Variants in CAMK2B observed in about 807,000 individuals in gnomAD.
CAMK2B encodes calcium/calmodulin dependent protein kinase II beta, also known as calcium/calmodulin-dependent protein kinase type II subunit beta.
Under a neutral mutation model 93.7 loss-of-function variants are expected in CAMK2B, and 27 were observed. The observed-to-expected ratio is 0.29, with a 90% CI of 0.21 to 0.40. CAMK2B has a LOEUF of 0.40. CAMK2B is among the 10% of genes least tolerant of loss of function. The probability of loss-of-function intolerance (pLI) is 1.00; values close to 1 mark genes in which losing one functional copy is unlikely to be tolerated. For missense variants in CAMK2B, 568 were observed against 895.8 expected (o/e 0.63, Z 4.67); for synonymous variants, 374 against 358.8 (o/e 1.04, Z -0.48).
chr7:44,255,021 T>G (rs1253160980), intron 4 of CAMK2B, among the ~76,000 whole-genome samples: 1 of 151,948 alleles, frequency 6.6e-6, no homozygotes, highest in Non-Finnish European at 1.5e-5. Context: ...CCAGGCCTTG[T>G]GACTCAAATT....
intron 5 of CAMK2B, among the ~76,000 whole-genome samples, chr7:44,253,424 G>A (rs926038986): frequency 5.9e-5 from 9 of 152,132 alleles, no homozygotes; most frequent in Admixed American, 2.6e-4. Flanking sequence ...TGTTGGTCAG[G>A]TTGGCCTGGA....
intron 2 of CAMK2B, among the ~76,000 whole-genome samples, chr7:44,276,315 G>A (rs1446664003): frequency 3.3e-5 from 5 of 152,146 alleles, no homozygotes; most frequent in Admixed American, 1.3e-4. Context: ...GGATTCTGCC[G>A]ACCAGGCACT....
chr7:44,262,267 C>T (rs749569464), intron 3 of CAMK2B, among the ~76,000 whole-genome samples: 28 of 152,190 alleles, frequency 1.8e-4, no homozygotes, highest in Non-Finnish European at 3.7e-4. Context: ...GAAAGGGCCC[C>T]AAATCCACCT....
chr7:44,284,106 G>A (rs373295460), intron 2 of CAMK2B, 25 bp downstream of exon 2: 2 of 1,550,088 alleles, frequency 1.3e-6, no homozygotes, highest in Non-Finnish European at 1.8e-6. Flanking sequence ...GACAGCAGCT[G>A]CGCAGGACAC....
In CAMK2B at chr7:44,219,370, T is replaced by G. The variant is rs1225591534; in HGVS notation, c.*155A>C. On this transcript the variant is annotated 3_prime_UTR_variant, in exon 24 of 24. Coordinates refer to ENST00000395749, the MANE Select transcript of CAMK2B (RefSeq NM_001220.5). The stretch of plus-strand genomic sequence containing the variant: ...TTTTTTTTTTTTTTTTTTTTGTTTT[T>G]TTTTAACAAATCACATCTGGTCTTG... The G allele has an allele frequency of 1.3e-5, 2 of 148,770 alleles. No homozygotes were observed. The highest frequency in any genetic ancestry group is 1.3e-4 in the Admixed American group (2 of 15,010). The allele number at this position is 148,770 out of a possible 1,614,324, so 9.2% of individuals were successfully genotyped here.
At chr7:44,255,963 G>C (rs2096829935) in intron 4 of CAMK2B, among the ~76,000 whole-genome samples, 1 of 152,044 alleles carries the variant, frequency 6.6e-6, no homozygotes, top group African/African-American at 2.4e-5. Flanking sequence ...GGCATTAAAG[G>C]ACTGGGTGTT....
Position 44,220,048 on chromosome 7 carries a change from C to A in CAMK2B, c.*2+12G>T. 1 of 1,555,372 alleles carries A rather than the reference C, an allele frequency of 6.4e-7. No homozygotes were observed. The highest frequency in any genetic ancestry group is 8.7e-7 in the Non-Finnish European group (1 of 1,154,268). On this transcript the variant is annotated intron_variant, in intron 23 of 23. Coordinates refer to ENST00000395749, the MANE Select transcript of CAMK2B (RefSeq NM_001220.5). ...CCTCTGCCCCAGCTGTCACTTAGCACAGAACACTCACCTTCACTGCAGCGG... is the reference window on the plus strand; with the variant it reads ...CCTCTGCCCCAGCTGTCACTTAGCAAAGAACACTCACCTTCACTGCAGCGG...
intron 2 of CAMK2B, among the ~76,000 whole-genome samples, chr7:44,274,335 G>C (rs1337758103): frequency 2.0e-5 from 3 of 152,162 alleles, no homozygotes; most frequent in African/African-American, 7.2e-5. Flanking sequence ...CACACAACCA[G>C]GGCCCCCAGG....
chr7:44,285,622 A>G (rs1236035308), intron 1 of CAMK2B, among the ~76,000 whole-genome samples: 1 of 152,028 alleles, frequency 6.6e-6, no homozygotes, highest in African/African-American at 2.4e-5. Flanking sequence ...AGTACTGTTC[A>G]ATTCCTTGGA....
rs184102926 is a variant in CAMK2B at position 44,316,241 on chromosome 7, G to T, written c.65+9116C>A. ...GAGTTTTTATCATGAAATGGTATTG[G>T]TTTTTTTTTAAATGCTTTTTCTGCA... On this transcript the variant is annotated intron_variant, in intron 1 of 23. Transcript: ENST00000395749. 9.8e-3 allele frequency among the ~76,000 whole-genome samples: 1,480 copies of T among 151,280 alleles called. 32 individuals carry two copies. The highest frequency in any genetic ancestry group is 0.034 in the African/African-American group (1,408 of 41,252).
chr7:44,263,134 A>G (rs2096894246), intron 2 of CAMK2B, 70 bp from the exon 3 acceptor site: 2 of 1,461,100 alleles, frequency 1.4e-6, no homozygotes, highest in African/African-American at 2.8e-5. Context: ...CGTCCATGTC[A>G]GGAGAGGCCC....
intron 1 of CAMK2B, among the ~76,000 whole-genome samples, chr7:44,295,556 A>T (rs12216637): frequency 0.089 from 13,556 of 152,264 alleles, 814 homozygotes; most frequent in Non-Finnish European, 0.12. Context: ...CAAGTCTGAG[A>T]ATTAAGAATT....
intron 1 of CAMK2B, among the ~76,000 whole-genome samples, chr7:44,298,909 G>A (rs987723835): frequency 6.6e-6 from 1 of 152,128 alleles, no homozygotes. Context: ...GTTGGTGAGG[G>A]TGTAGAGGAC....
chr7:44,252,166 G>A (rs1403609734), intron 5 of CAMK2B, among the ~76,000 whole-genome samples: 1 of 152,064 alleles, frequency 6.6e-6, no homozygotes, highest in Non-Finnish European at 1.5e-5. Context: ...GAGGGAACTG[G>A]CCTGGTGTGA....
intron 6 of CAMK2B, among the ~76,000 whole-genome samples, chr7:44,246,902 G>A (rs181680064): frequency 1.1e-4 from 17 of 151,806 alleles, no homozygotes; most frequent in East Asian, 3.9e-4. Flanking sequence ...ACACATGCAC[G>A]CACATATGCA....
At chr7:44,264,269 G>A (rs1011527288) in intron 2 of CAMK2B, among the ~76,000 whole-genome samples, 1 of 152,346 alleles carries the variant, frequency 6.6e-6, no homozygotes, top group South Asian at 2.1e-4. Context: ...TCTGATCCCC[G>A]TGCTTGGCAG....
chr7:44,270,082 C>CG (rs1456861402), intron 2 of CAMK2B, among the ~76,000 whole-genome samples: 1 of 151,838 alleles, frequency 6.6e-6, no homozygotes, highest in Non-Finnish European at 1.5e-5. Context: ...GTACCCCCCC[C>CG]CCATTCCAGG....
At chr7:44,220,803 C>G (rs761661679) in intron 21 of CAMK2B, 23 bp downstream of exon 21, 9 of 1,559,312 alleles carry the variant, frequency 5.8e-6, no homozygotes, top group South Asian at 1.2e-5. Flanking sequence ...CTGCACAGCC[C>G]CCCCCCAGCC....
At chr7:44,309,114 G>T (rs1199512771) in intron 1 of CAMK2B, among the ~76,000 whole-genome samples, 1 of 152,186 alleles carries the variant, frequency 6.6e-6, no homozygotes, top group Non-Finnish European at 1.5e-5. Context: ...AAACCACTGC[G>T]ACTGTGCTGT....
Sources: allele counts gnomAD v4.1 joint callset (sites outside exome capture counted in the v4.1 genomes callset), GRCh38; gene constraint gnomAD v4.1.1; transcripts MANE v1.5; gene names NCBI Gene and HGNC (gene_info 2026-07-23, HGNC 2026-07-21).